Variants in MARCHF7 observed in about 807,000 individuals in gnomAD.
MARCHF7 encodes E3 ubiquitin-protein ligase MARCHF7.
In MARCHF7, 20 loss-of-function variants were observed where a neutral mutation model predicts 76.5. The observed-to-expected ratio is 0.26, with a 90% CI of 0.18 to 0.38. The LOEUF is 0.38. Among genes scored for constraint, MARCHF7 ranks in the 10% least tolerant of loss-of-function variants. The pLI, the probability that MARCHF7 is intolerant of heterozygous loss-of-function variation, is 1.00. For missense variants in MARCHF7, 797 were observed against 812.9 expected, an observed-to-expected ratio of 0.98 and a Z score of 0.24; for synonymous variants, 295 against 293.0, an observed-to-expected ratio of 1.01 and a Z score of -0.07.
intron 5 of MARCHF7, among the ~76,000 whole-genome samples, chr2:159,743,792 C>T (rs1316057667): frequency 6.6e-6 from 1 of 151,390 alleles, no homozygotes; most frequent in East Asian, 1.9e-4. Flanking sequence ...CTGTAGTCCC[C>T]AGCCACTTGA....
intron 3 of MARCHF7, among the ~76,000 whole-genome samples, chr2:159,724,720 A>C (rs747829527): frequency 6.6e-6 from 1 of 152,160 alleles, no homozygotes; most frequent in Non-Finnish European, 1.5e-5. Context: ...TCTAGGGTAC[A>C]CGTGCACAAC....
chr2:159,722,458 A>G (rs1436207600), intron 3 of MARCHF7, among the ~76,000 whole-genome samples: 1 of 152,194 alleles, frequency 6.6e-6, no homozygotes, highest in East Asian at 1.9e-4. Context: ...TGTAGCACTT[A>G]GAACTATTGA....
chr2:159,747,335 G>C (rs1040637826), intron 6 of MARCHF7, among the ~76,000 whole-genome samples: 8 of 151,824 alleles, frequency 5.3e-5, no homozygotes, highest in Non-Finnish European at 1.2e-4. Context: ...AATTACAAGG[G>C]TTTAAAACAG....
intron 9 of MARCHF7, among the ~76,000 whole-genome samples, chr2:159,760,542 T>C (rs1706903556): frequency 6.6e-6 from 1 of 152,184 alleles, no homozygotes; most frequent in South Asian, 2.1e-4. Context: ...TGGCTGAGCA[T>C]TGGTATTTAA....
At chr2:159,743,655 A>G (rs1704415409) in intron 5 of MARCHF7, among the ~76,000 whole-genome samples, 2 of 152,112 alleles carry the variant, frequency 1.3e-5, no homozygotes. Context: ...TTTTCAGAAA[A>G]TACGGAGGCT....
At position 159,752,629 on chromosome 2, in the gene MARCHF7, G is replaced by A. The variant is rs1015523916; in HGVS notation, c.1783+58G>A. 1.3e-5 allele frequency: 17 copies of A among 1,338,656 alleles called. No individual in the cohort carries two copies. In the Middle Eastern group the frequency reaches 5.9e-4, roughly 46 times the overall value. The allele number at this position is 1,338,656 out of a possible 1,614,324, so 82.9% of individuals were successfully genotyped here. A position where few individuals can be genotyped will look rare whatever the true frequency, so the allele number is the denominator to read the frequency against. On this transcript the variant is annotated intron_variant, in intron 8 of 11. Coordinates refer to ENST00000409175, the MANE Select transcript of MARCHF7 (RefSeq NM_001282805.2). ...TTCTAAGAGATGCATGTATGTATGCGTTTGGTTAACAAATTTATAGATTGT... is the reference window on the plus strand; with the variant it reads ...TTCTAAGAGATGCATGTATGTATGCATTTGGTTAACAAATTTATAGATTGT...
At position 159,743,062 on chromosome 2, in the gene MARCHF7, C is replaced by G. The variant is rs756857172; in HGVS notation, c.155C>G (p.Ser52Cys). ...TAAAAAATTTTTTTGAACTCACAGT[C>G]TACATCAGCATCAGCATCTGCGTCA... Reference protein sequence around the residue: ...SSFRLDSEYQSTSASASASPF... With the variant: ...SSFRLDSEYQCTSASASASPF... The change falls in exon 5 of 12, where the codon TCT (serine) becomes TGT (cysteine). Residue 52 changes from serine (S) to cysteine (C), a missense_variant and splice_region_variant. By Grantham distance (112) the Ser-to-Cys change is moderately radical. This residue lies in a region of MARCHF7 where 643 missense variants were observed against 631.5 expected (regional missense o/e 1.02). Coordinates refer to ENST00000409175, the MANE Select transcript of MARCHF7 (RefSeq NM_001282805.2). The G allele has an allele frequency of 6.2e-7, 1 of 1,612,402 alleles. No individual in the cohort carries two copies. The highest frequency in any genetic ancestry group is 8.5e-7 in the Non-Finnish European group (1 of 1,179,156).
At chr2:159,728,492 A>G (rs1702420394) in intron 3 of MARCHF7, among the ~76,000 whole-genome samples, 1 of 152,208 alleles carries the variant, frequency 6.6e-6, no homozygotes, top group South Asian at 2.1e-4. Context: ...GCATAGTAGT[A>G]TCAAAAGTAT....
intron 2 of MARCHF7, among the ~76,000 whole-genome samples, 157 bp from the exon 3 acceptor site, chr2:159,715,524 T>C (rs1397745362): frequency 6.6e-6 from 1 of 152,146 alleles, no homozygotes; most frequent in African/African-American, 2.4e-5. Context: ...TTTTTATATT[T>C]TTTTATAGAG....
At chr2:159,746,012 A>G in intron 6 of MARCHF7, 75 bp downstream of exon 6, 2 of 1,126,326 alleles carry the variant, frequency 1.8e-6, no homozygotes, top group African/African-American at 1.6e-5. Flanking sequence ...CTAAAACAAC[A>G]GTACAAAGGA....
intron 10 of MARCHF7, 122 bp from the exon 11 acceptor site, chr2:159,764,504 C>A (rs1416186973): frequency 3.6e-6 from 2 of 561,740 alleles, no homozygotes; most frequent in East Asian, 3.3e-5. Context: ...AGAAAAACCC[C>A]TATTTAAAGG....
chr2:159,755,981 T>C (rs1426297575), intron 8 of MARCHF7, among the ~76,000 whole-genome samples: 1 of 152,154 alleles, frequency 6.6e-6, no homozygotes, highest in Non-Finnish European at 1.5e-5. Flanking sequence ...GCTCAAGGGC[T>C]CTGAACAAGC....
intron 6 of MARCHF7, among the ~76,000 whole-genome samples, chr2:159,747,552 T>A (rs553091989): frequency 6.6e-6 from 1 of 152,188 alleles, no homozygotes; most frequent in East Asian, 1.9e-4. Flanking sequence ...AAATAAAATT[T>A]TCATAAGCTC....
At chr2:159,716,236 T>C (rs1303468784) in intron 3 of MARCHF7, among the ~76,000 whole-genome samples, 1 of 148,752 alleles carries the variant, frequency 6.7e-6, no homozygotes. Flanking sequence ...GATTTCCCAC[T>C]AAGGAAAAAA....
At chr2:159,724,050 C>T (rs1178121106) in intron 3 of MARCHF7, among the ~76,000 whole-genome samples, 3 of 152,106 alleles carry the variant, frequency 2.0e-5, no homozygotes, top group East Asian at 1.9e-4. Flanking sequence ...TTCTAGGACA[C>T]GCTGTTCATT....
chr2:159,741,706 A>G (rs1304285648), intron 4 of MARCHF7, among the ~76,000 whole-genome samples: 1 of 152,230 alleles, frequency 6.6e-6, no homozygotes, highest in Non-Finnish European at 1.5e-5. Context: ...TAAACAGAAG[A>G]ACACTTAAAA....
intron 1 of MARCHF7, among the ~76,000 whole-genome samples, chr2:159,712,949 C>T (rs1412258130): frequency 6.6e-6 from 1 of 152,134 alleles, no homozygotes; most frequent in Non-Finnish European, 1.5e-5. Context: ...CCTGAGCCCT[C>T]CTTTGGCGCG....
At chr2:159,733,703 A>G (rs372142732) in intron 4 of MARCHF7, 5 of 985,432 alleles carry the variant, frequency 5.1e-6, no homozygotes, top group Admixed American at 6.1e-5. Context: ...TTATAGACTT[A>G]ATATGGGAAC....
At chr2:159,758,214 AAG>A in intron 8 of MARCHF7, among the ~76,000 whole-genome samples, 1 of 152,362 alleles carries the variant, frequency 6.6e-6, no homozygotes, top group Admixed American at 6.5e-5. Context: ...AAAAGGCAGA[AAG>A]AACCTACAAG....
Sources: allele counts gnomAD v4.1 joint callset (sites outside exome capture counted in the v4.1 genomes callset), GRCh38; gene constraint gnomAD v4.1.1; regional missense constraint gnomAD v4.1.1; transcripts MANE v1.5; gene names NCBI Gene and HGNC (gene_info 2026-07-23, HGNC 2026-07-21).